The following WT1 variants were observed in gnomAD, a reference collection of about 807,000 sequenced individuals.
WT1 encodes Wilms tumor protein.
In WT1, 8 loss-of-function variants were observed where a neutral mutation model predicts 60.8. The observed-to-expected ratio is 0.13, with a 90% CI of 0.08 to 0.24. WT1 has a LOEUF of 0.24. Among genes scored for constraint, WT1 ranks in the 10% least tolerant of loss-of-function variants. The pLI, the probability that WT1 is intolerant of heterozygous loss-of-function variation, is 1.00. For missense variants in WT1, 568 were observed against 711.8 expected, an observed-to-expected ratio of 0.80 and a Z score of 2.30; for synonymous variants, 312 against 297.1, an observed-to-expected ratio of 1.05 and a Z score of -0.52.
chr11:32,431,026 G>A (rs910072437), intron 1 of WT1, among the ~76,000 whole-genome samples: 8 of 151,986 alleles, frequency 5.3e-5, no homozygotes, highest in African/African-American at 1.9e-4. Context: ...CCAAGGTAGC[G>A]CCTTTCCCAC....
Position 32,428,042 on chromosome 11 carries a change from C to A in WT1, c.801G>T (p.Ser267=). The stretch of plus-strand genomic sequence containing the variant: ...GGCAGCCATAGACCGGGGGCGGCAC[C>A]GAGTACTGCTGCTCACCTGCAGAGA... The change falls in exon 3 of 10, where the codon TCG becomes TCT. Residue 267 remains serine, a synonymous_variant. Transcript: ENST00000452863. 6.2e-7 allele frequency: 1 copy of A among 1,607,532 alleles called. No individual in the cohort carries two copies. Among genetic ancestry groups the A allele is most frequent in the South Asian group, 1.1e-5 (1 of 90,450 alleles).
Position 32,428,535 on chromosome 11 carries a change from A to T in WT1, c.746T>A (p.Phe249Tyr), listed in dbSNP as rs777119782. ...CTGGCCCATGGGATCCTCATGCTTG[A>T]ATGAGTGGTTGGGGAACTGCGCCGC... Residue 249 changes from phenylalanine to tyrosine, a missense_variant, in exon 2 of 10, where the codon TTC (phenylalanine) becomes TAC (tyrosine). Phe to Tyr is a conservative substitution (Grantham distance 22). Transcript: ENST00000452863. 1 of 1,614,058 alleles carries T rather than the reference A, an allele frequency of 6.2e-7. No individual in the cohort carries two copies.
At chr11:32,398,363 C>G (rs941278399) in intron 6 of WT1, among the ~76,000 whole-genome samples, 22 of 152,100 alleles carry the variant, frequency 1.4e-4, no homozygotes, top group African/African-American at 5.3e-4. Context: ...TAAATGAAAC[C>G]CTTAGTAACT....
chr11:32,428,474 T>G, intron 2 of WT1, 23 bp downstream of exon 2: 1 of 1,613,894 alleles, frequency 6.2e-7, no homozygotes. Context: ...GGAGAAGGAC[T>G]CCACTTGGTT....
At position 32,429,890 on chromosome 11, in the gene WT1, A is replaced by G. The variant is rs56054851; in HGVS notation, c.662-1271T>C. ...GCCTCCAAAGACTTAAGCAGGACTC[A>G]GCCGATGAGCAGGACCCAGGGCATC... On this transcript the variant is annotated intron_variant, in intron 1 of 9. Coordinates refer to ENST00000452863, the MANE Select transcript of WT1 (RefSeq NM_024426.6). 3.0e-3 allele frequency among the ~76,000 whole-genome samples: 457 copies of G among 151,842 alleles called. 4 individuals are homozygous for G. The highest frequency in any genetic ancestry group is 0.011 in the African/African-American group (437 of 41,414).
At chr11:32,431,278 C>T (rs1853299936) in intron 1 of WT1, among the ~76,000 whole-genome samples, 1 of 152,164 alleles carries the variant, frequency 6.6e-6, no homozygotes, top group Admixed American at 6.5e-5. Flanking sequence ...AACAAAATAC[C>T]CTCTCCTGTG....
At chr11:32,434,678 G>A (rs757863992) in intron 1 of WT1, 22 bp downstream of exon 1, 2 of 1,612,500 alleles carry the variant, frequency 1.2e-6, no homozygotes, top group East Asian at 2.2e-5. Flanking sequence ...CGCGCGTAGG[G>A]GGCGCTCCCC....
At chr11:32,391,183 C>T (rs549446871) in intron 9 of WT1, among the ~76,000 whole-genome samples, 4 of 152,206 alleles carry the variant, frequency 2.6e-5, no homozygotes, top group South Asian at 4.2e-4. Flanking sequence ...CAGGGTTTTG[C>T]CATGTTGCCC....
At chr11:32,392,579 A>G (rs2132918196) in intron 8 of WT1, 87 bp downstream of exon 8, 1 of 1,302,898 alleles carries the variant, frequency 7.7e-7, no homozygotes, top group Non-Finnish European at 1.1e-6. Context: ...TGACTCTCTC[A>G]TTCATATTCA....
At chr11:32,407,196 C>T (rs1852340562) in intron 5 of WT1, among the ~76,000 whole-genome samples, 1 of 152,034 alleles carries the variant, frequency 6.6e-6, no homozygotes, top group Admixed American at 6.5e-5. Context: ...AAATTGTGAG[C>T]CCTCTTCCCG....
chr11:32,420,383 A>G (rs527391777), intron 3 of WT1, among the ~76,000 whole-genome samples: 1 of 152,336 alleles, frequency 6.6e-6, no homozygotes, highest in Admixed American at 6.5e-5. Context: ...GTCTAACTGT[A>G]CAGAAATGTT....
At chr11:32,422,658 G>T (rs537024793) in intron 3 of WT1, among the ~76,000 whole-genome samples, 1 of 152,302 alleles carries the variant, frequency 6.6e-6, no homozygotes, top group South Asian at 2.1e-4. Context: ...TGGCTGCTGA[G>T]GAAGTTTCTC....
intron 3 of WT1, among the ~76,000 whole-genome samples, chr11:32,427,371 C>A (rs1411312645): frequency 6.6e-6 from 1 of 152,240 alleles, no homozygotes; most frequent in African/African-American, 2.4e-5. Context: ...GAAGGTCCCA[C>A]GCGGGCCAGA....
intron 3 of WT1, among the ~76,000 whole-genome samples, chr11:32,423,605 G>A (rs1457588459): frequency 6.6e-6 from 1 of 152,238 alleles, no homozygotes; most frequent in Non-Finnish European, 1.5e-5. Context: ...TAGAGAGAAA[G>A]CAAGTGCAGA....
chr11:32,397,510 G>A (rs1852010794), intron 6 of WT1, among the ~76,000 whole-genome samples: 1 of 146,438 alleles, frequency 6.8e-6, no homozygotes, highest in Non-Finnish European at 1.5e-5. Flanking sequence ...GGTAGAGATA[G>A]GGTCTCCCTA....
chr11:32,409,889 T>G (rs941982686), intron 5 of WT1, among the ~76,000 whole-genome samples: 27 of 151,560 alleles, frequency 1.8e-4, no homozygotes, highest in African/African-American at 6.3e-4. Flanking sequence ...CCCCTCCCAT[T>G]GACCATTTTT....
chr11:32,428,077 A>T lies in WT1; in HGVS notation c.785-19T>A, dbSNP rs780953688. On this transcript the variant is annotated intron_variant, in intron 2 of 9. Transcript: ENST00000452863. ...TGCTCACCTGCAGAGAGAACCGAAG[A>T]CAGCTGAGCGAGTGCGCCCCAAGGG... 4 of 1,584,270 alleles carry T rather than the reference A, an allele frequency of 2.5e-6. No individual in the cohort carries two copies. The highest frequency in any genetic ancestry group is 3.4e-6 in the Non-Finnish European group (4 of 1,161,418).
intron 7 of WT1, among the ~76,000 whole-genome samples, chr11:32,392,972 TAAA>T (rs111384963): frequency 7.4e-5 from 10 of 134,774 alleles, no homozygotes; most frequent in Non-Finnish European, 4.8e-5. Flanking sequence ...GCTCTGCCAT[TAAA>T]AAAAAAAAAA....
chr11:32,434,629 G>T (rs2133100609), intron 1 of WT1, 71 bp downstream of exon 1: 1 of 1,608,088 alleles, frequency 6.2e-7, no homozygotes, highest in Non-Finnish European at 8.5e-7. Flanking sequence ...GTAGGAGAGG[G>T]GGGTGTCCTA....
Sources: allele counts gnomAD v4.1 joint callset (sites outside exome capture counted in the v4.1 genomes callset), GRCh38; gene constraint gnomAD v4.1.1; transcripts MANE v1.5; gene names NCBI Gene and HGNC (gene_info 2026-07-23, HGNC 2026-07-21).